Variants in RBM41 observed in about 807,000 individuals in gnomAD.
The protein encoded by RBM41 is RNA binding motif protein 41, also known as RNA-binding protein 41.
In RBM41, 14 loss-of-function variants were observed where a neutral mutation model predicts 30.8. That is an observed-to-expected ratio of 0.45 (90% CI 0.30 to 0.71). RBM41 has a LOEUF of 0.71. RBM41 is among the 30% of genes least tolerant of loss of function. The pLI is 0.08. For missense variants in RBM41, 276 were observed against 326.3 expected (o/e 0.85, Z 1.19); for synonymous variants, 120 against 110.1 (o/e 1.09, Z -0.56).
intron 5 of RBM41, among the ~76,000 whole-genome samples, chrX:107,091,325 T>C (rs776563736): frequency 1.8e-5 from 2 of 112,188 alleles, no homozygotes; most frequent in African/African-American, 6.5e-5. Context: ...TATAGTTTTA[T>C]ATTTCTTTTG....
chrX:107,084,639 C>T (rs775165814), intron 6 of RBM41, among the ~76,000 whole-genome samples: 1 of 111,375 alleles, frequency 9.0e-6, no homozygotes, highest in East Asian at 2.8e-4. Context: ...CTGACGCCAG[C>T]AATTTGTCAA....
rs369133655 is a variant in RBM41 at position 107,067,742 on chromosome X, A to G, written c.1148-49T>C. 10 of 1,115,763 alleles carry G rather than the reference A, an allele frequency of 9.0e-6. No homozygotes were observed. The African/African-American group carries it at 1.5e-4, about 16-fold the overall frequency. The allele number at this position is 1,115,763 out of a possible 1,213,427, so 92.0% of individuals were successfully genotyped here. ...AATTTACATAGGACTTAATAATTCA[A>G]TTCTATTCCAGGTTTAGTTTAGATT... is the stretch of plus-strand genomic sequence containing the variant. On this transcript the variant is annotated intron_variant, in intron 7 of 7. Coordinates refer to ENST00000685964, the MANE Select transcript of RBM41 (RefSeq NM_001324242.2).
Position 107,101,933 on chromosome X carries a change from T to C in RBM41, c.595+11464A>G, listed in dbSNP as rs528573483. Among the ~76,000 whole-genome samples the C allele has an allele frequency of 1.8e-4, 20 of 111,462 alleles. No homozygotes were observed. The South Asian group carries it at 7.7e-3, about 43-fold the overall frequency. ...AAAGCCTATATTACATTGAGGAGATTGTTGGTAGAAATACGGATGTTAAAG... is the reference window on the plus strand; with the variant it reads ...AAAGCCTATATTACATTGAGGAGATCGTTGGTAGAAATACGGATGTTAAAG... On this transcript the variant is annotated intron_variant, in intron 5 of 7. Transcript: ENST00000685964.
rs1435710460 is a variant in RBM41, at chrX:107,108,699, T to C, written c.595+4698A>G. On this transcript the variant is annotated intron_variant, in intron 5 of 7. Transcript: ENST00000685964. ...AATGTAACTTAAACAGTGAGGTTTG[T>C]AGCATTTCGACTTTCCATCATCCCA... Among the ~76,000 whole-genome samples, 3 of 112,052 alleles carry C rather than the reference T, an allele frequency of 2.7e-5. No individual in the cohort carries two copies. The Admixed American group carries it at 2.8e-4, about 11-fold the overall frequency.
rs1395193436 is a variant in RBM41 at position 107,065,164 on chromosome X, T to A, written c.*2363A>T. On this transcript the variant is annotated 3_prime_UTR_variant, in exon 8 of 8. Transcript: ENST00000685964. ...ATCTCTTTCTATCTTCTAAAGTGTG[T>A]CTCAAATAGATGGCATGAAGTGGAA... The A allele has an allele frequency of 9.0e-6, 1 of 111,647 alleles. No homozygotes were observed. Among genetic ancestry groups the A allele is most frequent in the African/African-American group, 3.3e-5 (1 of 30,758 alleles). The allele number at this position is 111,647 out of a possible 1,213,427, so 9.2% of individuals were successfully genotyped here. A position where few individuals can be genotyped will look rare whatever the true frequency, so the allele number is the denominator to read the frequency against.
At position 107,088,553 on chromosome X, in the gene RBM41, C is replaced by T; in HGVS notation, c.882G>A (p.Lys294=). Residue 294 remains lysine, a synonymous_variant, in exon 6 of 8, where the codon AAG becomes AAA. Transcript: ENST00000685964. The part of the protein sequence containing the change: ...SPEQCWTGPK[K]LTQPIEFVPE... The stretch of plus-strand genomic sequence containing the variant: ...GGACAAATTCTATTGGCTGCGTCAG[C>T]TTCTTAGGCCCAGTCCAACACTGCT... 8.3e-7 allele frequency: 1 copy of T among 1,211,500 alleles called. No individual in the cohort carries two copies. The highest frequency in any genetic ancestry group is 1.8e-5 in the South Asian group (1 of 56,931).
chrX:107,097,821 C>T (rs1008016864), intron 5 of RBM41, among the ~76,000 whole-genome samples: 3 of 111,673 alleles, frequency 2.7e-5, no homozygotes, highest in Non-Finnish European at 5.6e-5. Context: ...CAAAAGACCA[C>T]GTATTGTAAG....
intron 5 of RBM41, among the ~76,000 whole-genome samples, chrX:107,094,479 C>T (rs758850275): frequency 8.9e-6 from 1 of 111,854 alleles, no homozygotes; most frequent in East Asian, 2.8e-4. Context: ...AAATCCAATA[C>T]CCATTTATAA....
chrX:107,072,886 T>C (rs1426105355), intron 6 of RBM41, among the ~76,000 whole-genome samples: 1 of 109,141 alleles, frequency 9.2e-6, no homozygotes, highest in Non-Finnish European at 1.9e-5. Flanking sequence ...AGAACATCAG[T>C]TGGGAAAAGA....
the RBM41 span, among the ~76,000 whole-genome samples, chrX:107,053,125 A>G: frequency 1.8e-5 from 2 of 112,484 alleles, no homozygotes; most frequent in Admixed American, 9.4e-5. Flanking sequence ...GATACTGCCA[A>G]TGCCAGTACC....
In RBM41 at chrX:107,067,641, A is replaced by G. The variant is rs1248047085; in HGVS notation, c.1200T>C (p.His400=). Residue 400 remains histidine, a synonymous_variant, in exon 8 of 8, where the codon CAT becomes CAC. Transcript: ENST00000685964. ...ALHLVNGYKL[H]GKILVIEFGK... is the part of the protein sequence containing the mutation. ...CAAACTCTATCACCAATATTTTCCC[A>G]TGTAGTTTGTATCCATTTACTAGAT... The G allele has an allele frequency of 2.5e-6, 3 of 1,209,849 alleles. No individual in the cohort carries two copies. Among genetic ancestry groups the G allele is most frequent in the South Asian group, 3.5e-5 (2 of 56,555 alleles).
intron 6 of RBM41, among the ~76,000 whole-genome samples, chrX:107,079,514 A>G (rs762951780): frequency 7.2e-5 from 8 of 111,590 alleles, no homozygotes; most frequent in Non-Finnish European, 1.5e-4. Context: ...CAGACTCCAC[A>G]TATTTCCAAA....
At chrX:107,057,591 C>T (rs902707734), downstream of RBM41, among the ~76,000 whole-genome samples, 1 of 111,965 alleles carries the variant, frequency 8.9e-6, no homozygotes, top group African/African-American at 3.3e-5. Context: ...GTCTTCCATG[C>T]GCACTGGAGA....
At chrX:107,105,830 A>G (rs9697828) in intron 5 of RBM41, among the ~76,000 whole-genome samples, 6 of 110,326 alleles carry the variant, frequency 5.4e-5, no homozygotes, top group African/African-American at 1.7e-4. Context: ...GAAAGCTGAA[A>G]CTGGATCCCT....
intron 5 of RBM41, among the ~76,000 whole-genome samples, chrX:107,104,281 A>G (rs1923745699): frequency 9.0e-6 from 1 of 111,455 alleles, no homozygotes; most frequent in Non-Finnish European, 1.9e-5. Context: ...ATTTCGGGGG[A>G]AGGAATTTAC....
At chrX:107,076,253 G>A (rs1478884317) in intron 6 of RBM41, among the ~76,000 whole-genome samples, 1 of 108,595 alleles carries the variant, frequency 9.2e-6, no homozygotes, top group African/African-American at 3.4e-5. Flanking sequence ...GGAGGTAGAG[G>A]TTGTAGTGAA....
chrX:107,079,343 C>T (rs935456082), intron 6 of RBM41, among the ~76,000 whole-genome samples: 3 of 111,692 alleles, frequency 2.7e-5, no homozygotes, highest in Non-Finnish European at 5.6e-5. Flanking sequence ...GAAACCTGGC[C>T]CCCGCCATCT....
rs1936227807 is a variant in RBM41, at chrX:107,076,359, AT to A, written c.1000-6958del. On this transcript the variant is annotated intron_variant, in intron 6 of 7. Coordinates refer to ENST00000685964, the MANE Select transcript of RBM41 (RefSeq NM_001324242.2). ...AATAAATAAATAAATAAATAAATAA[AT>A]AAATAAAATACAATGGAATATTATT... Among the ~76,000 whole-genome samples, 3 of 107,136 alleles carry A rather than the reference AT, an allele frequency of 2.8e-5. 1 individual carries two copies. Among genetic ancestry groups the A allele is most frequent in the Admixed American group, 2.0e-4 (2 of 9,980 alleles). The allele number at this position is 107,136 out of a possible 115,157, so 93.0% of individuals were successfully genotyped here.
In RBM41 at chrX:107,115,957, G is replaced by C. The variant is rs763609168; in HGVS notation, c.223C>G (p.Leu75Val). The part of the protein sequence containing the change: ...GTMTLSQFQT[L>V]HEKDQETASL... ...GCAGTTTCCTGGTCCTTCTCATGCA[G>C]TGTCTGGAATTGGGACAAAGTCATA... is the stretch of plus-strand genomic sequence containing the variant. Residue 75 changes from leucine to valine, a missense_variant, in exon 3 of 8, where the codon CTG becomes GTG. Transcript: ENST00000685964. 1 of 1,210,619 alleles carries C rather than the reference G, an allele frequency of 8.3e-7. No homozygotes were observed. Among genetic ancestry groups the C allele is most frequent in the Non-Finnish European group, 1.1e-6 (1 of 894,850 alleles).
Sources: allele counts gnomAD v4.1 joint callset (sites outside exome capture counted in the v4.1 genomes callset), GRCh38; gene constraint gnomAD v4.1.1; transcripts MANE v1.5; gene names NCBI Gene and HGNC (gene_info 2026-07-23, HGNC 2026-07-21).